TSC22D2: variants seen among roughly 807,000 people sequenced by gnomAD.
TSC22D2 encodes the protein TSC22 domain family member 2.
In TSC22D2, 5 loss-of-function variants were observed where a neutral mutation model predicts 50.1. That is an observed-to-expected ratio of 0.10 (90% CI 0.05 to 0.21). The LOEUF (loss-of-function observed/expected upper bound fraction) is 0.21, where lower values mean the gene tolerates loss of function less well. Ranked by LOEUF, TSC22D2 falls within the 10% of genes least tolerant of loss-of-function variation. The probability of loss-of-function intolerance (pLI) is 1.00; values close to 1 mark genes in which losing one functional copy is unlikely to be tolerated. For missense variants in TSC22D2, 1,003 were observed against 1,015.5 expected (o/e 0.99, Z 0.17); for synonymous variants, 501 against 450.1 (o/e 1.11, Z -1.43).
rs754814580 is a variant in TSC22D2 at position 150,411,078 on chromosome 3, C to T, written c.1728C>T (p.Asp576=). The T allele has an allele frequency of 3.1e-6, 5 of 1,614,182 alleles. No homozygotes were observed. Among genetic ancestry groups the T allele is most frequent in the Non-Finnish European group, 4.2e-6 (5 of 1,180,034 alleles). Residue 576 remains aspartate, a synonymous_variant, in exon 1 of 3, where the codon GAC becomes GAT. Coordinates refer to ENST00000688009, the MANE Select transcript of TSC22D2 (RefSeq NM_001303264.2). The part of the protein sequence containing the change: ...HSAPTSLPQS[D]LSQFQTQTQP... ...CACCAACAAGTCTACCACAGTCTGA[C>T]CTAAGCCAGTTTCAAACTCAGACCC... is the stretch of plus-strand genomic sequence containing the variant.
At chr3:150,414,500 T>G (rs1719726245) in intron 1 of TSC22D2, among the ~76,000 whole-genome samples, 1 of 152,196 alleles carries the variant, frequency 6.6e-6, no homozygotes, top group South Asian at 2.1e-4. Context: ...TATGAATGGC[T>G]GCAATTGTGA....
intron 1 of TSC22D2, among the ~76,000 whole-genome samples, chr3:150,436,297 C>G (rs1720540698): frequency 1.3e-5 from 2 of 151,784 alleles, no homozygotes; most frequent in South Asian, 4.2e-4. Flanking sequence ...ATTGTATCTT[C>G]CAAAAAGACT....
chr3:150,444,993 TC>T (rs1720833274), intron 1 of TSC22D2, among the ~76,000 whole-genome samples: 1 of 152,198 alleles, frequency 6.6e-6, no homozygotes, highest in African/African-American at 2.4e-5. Context: ...TGTTGAATTT[TC>T]ATATAACACT....
chr3:150,409,348 A>G lies in TSC22D2; in HGVS notation c.-3A>G, dbSNP rs756422259. ...GCCTCTCTGCCCTCCAGCCTTCTTC[A>G]CCATGTCCAAGATGCCGGCCAAGAA... On this transcript the variant is annotated 5_prime_UTR_variant, in exon 1 of 3. Coordinates refer to ENST00000688009, the MANE Select transcript of TSC22D2 (RefSeq NM_001303264.2). This position sits in a 1 kb window ranked among gnomAD's most constrained non-coding sequence, Gnocchi z 7.4. 9 of 1,592,588 alleles carry G rather than the reference A, an allele frequency of 5.7e-6. No individual in the cohort carries two copies. Among genetic ancestry groups the G allele is most frequent in the South Asian group, 2.2e-5 (2 of 90,310 alleles).
In TSC22D2 at chr3:150,462,242, G is replaced by A. The variant is rs2108112959; in HGVS notation, c.*3606G>A. ...GAAAAGAGAACTCAATGGCTTAAAA[G>A]TATAAACAAGGCTCCTAGGGCAGCC... is the stretch of plus-strand genomic sequence containing the variant. On this transcript the variant is annotated 3_prime_UTR_variant, in exon 3 of 3. Coordinates refer to ENST00000688009, the MANE Select transcript of TSC22D2 (RefSeq NM_001303264.2). The A allele has an allele frequency of 6.6e-6, 1 of 152,280 alleles. No individual in the cohort carries two copies. The highest frequency in any genetic ancestry group is 1.5e-5 in the Non-Finnish European group (1 of 68,032). 9.4% of individuals were successfully genotyped at this position (152,280 alleles called of 1,614,324 possible).
chr3:150,409,064 A>C lies in TSC22D2; in HGVS notation c.-287A>C. 1.3e-4 allele frequency: 37 copies of C among 278,636 alleles called. No individual in the cohort carries two copies. Among genetic ancestry groups the C allele is most frequent in the East Asian group, 1.9e-4 (3 of 15,702 alleles). 17.3% of individuals were successfully genotyped at this position (278,636 alleles called of 1,614,324 possible). On this transcript the variant is annotated 5_prime_UTR_variant, in exon 1 of 3. Coordinates refer to ENST00000688009, the MANE Select transcript of TSC22D2 (RefSeq NM_001303264.2). This position sits in a 1 kb window ranked among gnomAD's most constrained non-coding sequence, Gnocchi z 7.4. ...TCGCGCTCTCGCCGCCTCTGAGGGA[A>C]TTGAATTGAGGCGCCGCGGCTGCGA... is the stretch of plus-strand genomic sequence containing the variant.
chr3:150,431,512 C>T (rs968976416), intron 1 of TSC22D2, among the ~76,000 whole-genome samples: 5 of 152,064 alleles, frequency 3.3e-5, no homozygotes, highest in African/African-American at 1.2e-4. Context: ...GTCTTTTTCC[C>T]TTCCTGTCTT....
intron 1 of TSC22D2, among the ~76,000 whole-genome samples, chr3:150,440,004 C>G (rs1166192885): frequency 6.6e-6 from 1 of 152,126 alleles, no homozygotes; most frequent in Non-Finnish European, 1.5e-5. Context: ...AGGCACTGTG[C>G]TGAATATTTT....
At position 150,410,147 on chromosome 3, in the gene TSC22D2, C is replaced by A. The variant is rs763664652; in HGVS notation, c.797C>A (p.Pro266Gln). 1.2e-6 allele frequency: 2 copies of A among 1,611,960 alleles called. No individual in the cohort carries two copies. Among genetic ancestry groups the A allele is most frequent in the East Asian group, 2.2e-5 (1 of 44,826 alleles). ...EKMSQPTPAQ[P>Q]QSFSVGQPQP... ...ATGAGCCAGCCCACTCCGGCCCAGC[C>A]GCAGAGTTTTAGCGTTGGGCAGCCA... Residue 266 changes from proline (P) to glutamine (Q), a missense_variant, in exon 1 of 3, where the codon CCG becomes CAG. Physicochemically the swap from Pro to Gln is moderately conservative, Grantham distance 76. This residue lies in a region of TSC22D2 where 696 missense variants were observed against 647.8 expected (regional missense o/e 1.07). Coordinates refer to ENST00000688009, the MANE Select transcript of TSC22D2 (RefSeq NM_001303264.2).
intron 1 of TSC22D2, among the ~76,000 whole-genome samples, chr3:150,426,618 C>T (rs977732555): frequency 6.6e-6 from 1 of 152,146 alleles, no homozygotes; most frequent in Admixed American, 6.5e-5. Context: ...TAAGCACTTG[C>T]AGGGCTTTTG....
chr3:150,447,948 CAAT>C (rs1436516042), intron 1 of TSC22D2, among the ~76,000 whole-genome samples: 11 of 152,198 alleles, frequency 7.2e-5, no homozygotes, highest in Non-Finnish European at 1.5e-5. Context: ...ATTCACTCCT[CAAT>C]AATGTGCTGT....
chr3:150,441,956 C>A (rs1720729858), intron 1 of TSC22D2, among the ~76,000 whole-genome samples: 1 of 152,158 alleles, frequency 6.6e-6, no homozygotes, highest in African/African-American at 2.4e-5. Flanking sequence ...TCTCTCATAG[C>A]TGGTTAATCA....
intron 1 of TSC22D2, among the ~76,000 whole-genome samples, chr3:150,419,158 A>G (rs182646963): frequency 2.9e-4 from 44 of 152,196 alleles, no homozygotes; most frequent in African/African-American, 1.0e-3. Flanking sequence ...CTTTCCAACA[A>G]TTTGTAAGAA....
intron 1 of TSC22D2, among the ~76,000 whole-genome samples, chr3:150,434,298 C>T (rs1214213378): frequency 2.6e-5 from 4 of 151,768 alleles, no homozygotes; most frequent in African/African-American, 7.3e-5. Flanking sequence ...ACCACCACCA[C>T]GCCCTGCTAA....
rs949948300 is a variant in TSC22D2 at position 150,464,615 on chromosome 3, T to C, written c.*5979T>C. On this transcript the variant is annotated 3_prime_UTR_variant, in exon 3 of 3. Coordinates refer to ENST00000688009, the MANE Select transcript of TSC22D2 (RefSeq NM_001303264.2). ...TATATGTTATAGTTTGTGAACCTTA[T>C]ATCATTTGTTAAATGAAAGGTTTTT... is the stretch of plus-strand genomic sequence containing the variant. 6.6e-6 allele frequency: 1 copy of C among 152,222 alleles called. No individual in the cohort carries two copies. Among genetic ancestry groups the C allele is most frequent in the South Asian group, 2.1e-4 (1 of 4,830 alleles). 9.4% of individuals were successfully genotyped at this position (152,222 alleles called of 1,614,324 possible). A position where few individuals can be genotyped will look rare whatever the true frequency, so the allele number is the denominator to read the frequency against.
chr3:150,442,733 G>A (rs938416012), intron 1 of TSC22D2, among the ~76,000 whole-genome samples: 6 of 152,100 alleles, frequency 3.9e-5, no homozygotes, highest in Non-Finnish European at 7.4e-5. Flanking sequence ...AGAGTCCAAG[G>A]CAGGAGGATT....
intron 1 of TSC22D2, among the ~76,000 whole-genome samples, chr3:150,442,555 T>C (rs1031536352): frequency 6.6e-6 from 1 of 152,252 alleles, no homozygotes; most frequent in African/African-American, 2.4e-5. Context: ...CGGCAAGTTA[T>C]TAGGTAACAT....
rs1265936313 is a variant in TSC22D2, at chr3:150,463,878, G to GT, written c.*5243dup. On this transcript the variant is annotated 3_prime_UTR_variant, in exon 3 of 3. Transcript: ENST00000688009. ...TTTGTTCAGCATACCTGGATGGTGA[G>GT]TGAGTTAGCTTTATTTTTCATTCTC... 2.0e-5 allele frequency: 3 copies of GT among 152,222 alleles called. No homozygotes were observed. Among genetic ancestry groups the GT allele is most frequent in the Non-Finnish European group, 4.4e-5 (3 of 68,056 alleles). 9.4% of individuals were successfully genotyped at this position (152,222 alleles called of 1,614,324 possible). A position where few individuals can be genotyped will look rare whatever the true frequency, so the allele number is the denominator to read the frequency against.
chr3:150,431,001 T>C (rs1720360016), intron 1 of TSC22D2, among the ~76,000 whole-genome samples: 1 of 152,046 alleles, frequency 6.6e-6, no homozygotes, highest in Admixed American at 6.6e-5. Flanking sequence ...TTGTCATATT[T>C]GCTTTATCAT....
Sources: gnomAD v4.1 joint callset for allele counts (sites outside exome capture counted in the v4.1 genomes callset) on GRCh38, gnomAD v4.1.1 for gene constraint, gnomAD v4.1.1 regional missense constraint, Gnocchi (gnomAD v3.1) non-coding constraint, MANE v1.5 for transcripts, NCBI Gene and HGNC (gene_info 2026-07-23, HGNC 2026-07-21) for gene names.